NF1: variants seen among roughly 807,000 people sequenced by gnomAD.
The protein encoded by NF1 is neurofibromin.
In NF1, 122 loss-of-function variants were observed where a neutral mutation model predicts 325.7. The observed-to-expected ratio is 0.37, with a 90% CI of 0.32 to 0.44. The LOEUF is 0.44. Ranked by LOEUF, NF1 falls within the 20% of genes least tolerant of loss-of-function variation. The pLI is 1.00. For synonymous variants in NF1, 1,091 were observed against 1,186.0 expected (o/e 0.92, Z 1.65); for missense variants, 2,140 against 3,415.4 (o/e 0.63, Z 9.31).
intron 1 of NF1, among the ~76,000 whole-genome samples, chr17:31,124,622 A>C (rs1170597320): frequency 5.2e-5 from 6 of 116,424 alleles, no homozygotes; most frequent in Non-Finnish European, 1.7e-5. Flanking sequence ...TTTTTGAGAC[A>C]GGGTCTCACT....
In NF1 at chr17:31,348,131, C is replaced by T. The variant is rs185024013; in HGVS notation, c.7190-989C>T. 9.6e-5 allele frequency among the ~76,000 whole-genome samples: 8 copies of T among 83,656 alleles called. 3 individuals are homozygous for T. The allele number at this position is 83,656 out of a possible 152,430, so 54.9% of individuals were successfully genotyped here. A position where few individuals can be genotyped will look rare whatever the true frequency, so the allele number is the denominator to read the frequency against. On this transcript the variant is annotated intron_variant, in intron 48 of 57. Transcript: ENST00000358273. ...GAACCAGGTATAGAGAAAAATAAGT[C>T]TGATATGAGGAAGGAAAATTGCACA...
In NF1 at chr17:31,095,253, C is replaced by A. The variant is rs1911540259; in HGVS notation, c.-57C>A. ...TCAGCCTCCGCTCCCCGCCCTCTTC[C>A]CGGCCCAGGGCGCCGGCCCACCCTT... is the stretch of plus-strand genomic sequence containing the variant. On this transcript the variant is annotated 5_prime_UTR_variant, in exon 1 of 58. Transcript: ENST00000358273. 6.6e-7 allele frequency: 1 copy of A among 1,508,852 alleles called. No individual in the cohort carries two copies. Among genetic ancestry groups the A allele is most frequent in the African/African-American group, 1.4e-5 (1 of 72,562 alleles). The allele number at this position is 1,508,852 out of a possible 1,614,324, so 93.5% of individuals were successfully genotyped here.
At chr17:31,137,012 A>G (rs564467777) in intron 1 of NF1, 39 of 152,292 alleles carry the variant, frequency 2.6e-4, no homozygotes, top group African/African-American at 9.1e-4. Flanking sequence ...AGTATGTTAA[A>G]GATACTATTT....
At chr17:31,264,014 T>C (rs182447399) in intron 35 of NF1, among the ~76,000 whole-genome samples, 1 of 152,292 alleles carries the variant, frequency 6.6e-6, no homozygotes, top group Non-Finnish European at 1.5e-5. Context: ...TCTGACCTGG[T>C]ACCAGCAGCA....
chr17:31,268,624 T>TAAA (rs1296165385), intron 36 of NF1, among the ~76,000 whole-genome samples: 8 of 118,256 alleles, frequency 6.8e-5, no homozygotes, highest in Non-Finnish European at 1.3e-4. Context: ...AGACTCTGTC[T>TAAA]AAAAAAAAAA....
chr17:31,366,472 C>G (rs2070523111), intron 57 of NF1, among the ~76,000 whole-genome samples: 1 of 152,214 alleles, frequency 6.6e-6, no homozygotes, highest in South Asian at 2.1e-4. Flanking sequence ...AGGTAGTGAT[C>G]ATAACATTCC....
At chr17:31,286,958 T>A (rs2068239718) in intron 36 of NF1, among the ~76,000 whole-genome samples, 1 of 152,256 alleles carries the variant, frequency 6.6e-6, no homozygotes, top group South Asian at 2.1e-4. Flanking sequence ...ATGTTTCAAC[T>A]GTGACTATGA....
chr17:31,218,927 A>C, intron 13 of NF1, 78 bp from the exon 14 acceptor site: 3 of 1,382,486 alleles, frequency 2.2e-6, no homozygotes, highest in Non-Finnish European at 3.0e-6. Context: ...TTTAGCAGTC[A>C]CTGTCTATTT....
intron 57 of NF1, among the ~76,000 whole-genome samples, chr17:31,363,734 C>CCTT (rs1567629854): frequency 3.5e-5 from 5 of 143,224 alleles, no homozygotes; most frequent in Non-Finnish European, 7.7e-5. Context: ...CTGCGCCCAG[C>CCTT]ATTTTTTTTT....
rs1567843874 is a variant in NF1, at chr17:31,219,056, A to G, written c.1579A>G (p.Thr527Ala). ...ETQGSTAELI[T>A]GLVQLVPQSH... The stretch of plus-strand genomic sequence containing the variant: ...CCAAGGCAGTACAGCAGAATTAATT[A>G]CAGGGCTCGTCCAACTGGTCCCTCA... The change falls in exon 14 of 58, where the codon ACA becomes GCA. Residue 527 changes from threonine to alanine, a missense_variant. By Grantham distance (58) the Thr-to-Ala change is moderately conservative. Coordinates refer to ENST00000358273, the MANE Select transcript of NF1 (RefSeq NM_001042492.3). The G allele has an allele frequency of 6.2e-7, 1 of 1,613,948 alleles. No homozygotes were observed. Among genetic ancestry groups the G allele is most frequent in the South Asian group, 1.1e-5 (1 of 91,018 alleles).
At chr17:31,351,245 G>A (rs937800286) in intron 50 of NF1, among the ~76,000 whole-genome samples, 5 of 151,928 alleles carry the variant, frequency 3.3e-5, no homozygotes, top group Non-Finnish European at 5.9e-5. Flanking sequence ...AGTGCAATAA[G>A]TTCAAGGTCT....
chr17:31,177,397 A>C (rs1236993881), intron 5 of NF1, among the ~76,000 whole-genome samples: 1 of 148,322 alleles, frequency 6.7e-6, no homozygotes, highest in Non-Finnish European at 1.5e-5. Context: ...AAGGTAGATA[A>C]ATCCACAAAA....
intron 1 of NF1, chr17:31,137,480 C>T (rs1915861703): frequency 6.6e-6 from 1 of 152,132 alleles, no homozygotes; most frequent in Admixed American, 6.6e-5. Flanking sequence ...AACACGTTCT[C>T]AGTACAGTTT....
In NF1 at chr17:31,258,390, G is replaced by A. The variant is rs2067621332; in HGVS notation, c.4220G>A (p.Ser1407Asn). The change falls in exon 32 of 58, where the codon AGT becomes AAT. Residue 1407 changes from serine (S) to asparagine (N), a missense_variant. By Grantham distance (46) the Ser-to-Asn change is conservative. Transcript: ENST00000358273. ...CAGAACAGCATCGGTGCAGTAGGAAGTGCCATGTTCCTCAGATTTATCAAT... is the reference window on the plus strand; with the variant it reads ...CAGAACAGCATCGGTGCAGTAGGAAATGCCATGTTCCTCAGATTTATCAAT... The part of the protein sequence containing the change: ...FPQNSIGAVG[S>N]AMFLRFINPA... 6.2e-7 allele frequency: 1 copy of A among 1,613,828 alleles called. No individual in the cohort carries two copies. Among genetic ancestry groups the A allele is most frequent in the Non-Finnish European group, 8.5e-7 (1 of 1,179,922 alleles).
chr17:31,225,070 A>T, intron 16 of NF1, 25 bp from the exon 17 acceptor site: 1 of 1,612,102 alleles, frequency 6.2e-7, no homozygotes, highest in Non-Finnish European at 8.5e-7. Flanking sequence ...GCTTCAGTAA[A>T]GCTTATTTAT....
chr17:31,197,264 T>C (rs1205368607), intron 8 of NF1, among the ~76,000 whole-genome samples: 1 of 151,440 alleles, frequency 6.6e-6, no homozygotes, highest in Non-Finnish European at 1.5e-5. Flanking sequence ...GCCAGGATGG[T>C]CTCCATCTCC....
chr17:31,179,792 A>AAAG lies in NF1; in HGVS notation c.587-1628_587-1627insGAA, dbSNP rs1256030341. Among the ~76,000 whole-genome samples, 4 of 152,294 alleles carry AAAG rather than the reference A, an allele frequency of 2.6e-5. No individual in the cohort carries two copies. In the East Asian group the frequency reaches 7.7e-4, roughly 29 times the overall value. The stretch of plus-strand genomic sequence containing the variant: ...AGCAAGACTCTGTTTAAAAAAAAAA[A>AAAG]AAAATCAATGAATCCAGGAGCTGGT... On this transcript the variant is annotated intron_variant, in intron 5 of 57. Transcript: ENST00000358273.
intron 36 of NF1, chr17:31,320,486 T>G (rs1597822992): frequency 6.8e-7 from 1 of 1,479,314 alleles, no homozygotes. Flanking sequence ...GAAATGGTTG[T>G]TATATGTCAT....
chr17:31,242,305 C>CTT (rs200376987), intron 29 of NF1, among the ~76,000 whole-genome samples: 13,364 of 68,798 alleles, frequency 0.19, 4,159 homozygotes, highest in East Asian at 0.31. Context: ...CATAAGTTCT[C>CTT]TTTTTTTTTT....
Sources: gnomAD v4.1 joint callset for allele counts (sites outside exome capture counted in the v4.1 genomes callset) on GRCh38, gnomAD v4.1.1 for gene constraint, MANE v1.5 for transcripts, NCBI Gene and HGNC (gene_info 2026-07-23, HGNC 2026-07-21) for gene names.